Variants in UTRN observed in about 807,000 individuals in gnomAD.
UTRN encodes the protein dystrophin-related protein 1.
A neutral mutation model predicts 463.9 loss-of-function variants in UTRN; 283 were observed. That is an observed-to-expected ratio of 0.61 (90% CI 0.55 to 0.67). UTRN has a LOEUF of 0.67. UTRN is among the 30% of genes least tolerant of loss of function. The pLI, the probability that UTRN is intolerant of heterozygous loss-of-function variation, is 0.00. For missense variants in UTRN, 3,922 were observed against 4,084.3 expected, an observed-to-expected ratio of 0.96 and a Z score of 1.08; for synonymous variants, 1,442 against 1,431.5, an observed-to-expected ratio of 1.01 and a Z score of -0.17.
At chr6:144,329,813 G>A (rs1010942340) in intron 2 of UTRN, among the ~76,000 whole-genome samples, 5 of 152,208 alleles carry the variant, frequency 3.3e-5, no homozygotes, top group Non-Finnish European at 2.9e-5. Flanking sequence ...AACCTCAGCA[G>A]TGGCAGCAGT....
At chr6:144,634,366 C>T (rs1482280138) in intron 51 of UTRN, among the ~76,000 whole-genome samples, 1 of 152,084 alleles carries the variant, frequency 6.6e-6, no homozygotes, top group Non-Finnish European at 1.5e-5. Context: ...TTTGGCCATC[C>T]CTGGTTAGCG....
At chr6:144,574,228 A>G (rs538969375) in intron 50 of UTRN, among the ~76,000 whole-genome samples, 1 of 152,324 alleles carries the variant, frequency 6.6e-6, no homozygotes, top group Admixed American at 6.5e-5. Context: ...AGGAAATTAA[A>G]TTCCAGGCGA....
chr6:144,631,777 A>G (rs762253214), intron 51 of UTRN, among the ~76,000 whole-genome samples: 20 of 152,188 alleles, frequency 1.3e-4, no homozygotes, highest in Admixed American at 3.9e-4. Context: ...AAAAAGTTTT[A>G]TAAGTTATTC....
chr6:144,842,958 C>T (rs1268280683), intron 73 of UTRN, among the ~76,000 whole-genome samples: 1 of 152,076 alleles, frequency 6.6e-6, no homozygotes, highest in Non-Finnish European at 1.5e-5. Context: ...TCTGTAACCA[C>T]AGTAATAGAT....
chr6:144,637,555 C>T (rs903169219), intron 51 of UTRN, among the ~76,000 whole-genome samples: 11 of 151,834 alleles, frequency 7.2e-5, no homozygotes, highest in Non-Finnish European at 1.3e-4. Context: ...AAGTACCACA[C>T]CCAGAATAAC....
chr6:144,777,151 CTGAG>C (rs1261922029), intron 60 of UTRN, among the ~76,000 whole-genome samples: 2 of 152,128 alleles, frequency 1.3e-5, no homozygotes, highest in African/African-American at 4.8e-5. Context: ...TTAGGACACA[CTGAG>C]TGAATGATTT....
intron 3 of UTRN, among the ~76,000 whole-genome samples, chr6:144,413,035 G>T (rs1020463740): frequency 6.6e-6 from 1 of 152,158 alleles, no homozygotes; most frequent in African/African-American, 2.4e-5. Context: ...TCATAGGACA[G>T]ATTCTGTCTC....
chr6:144,509,237 A>T (rs1278197551), intron 34 of UTRN, among the ~76,000 whole-genome samples: 1 of 152,084 alleles, frequency 6.6e-6, no homozygotes, highest in Non-Finnish European at 1.5e-5. Flanking sequence ...CTTTATAAAC[A>T]TTATTCATAT....
At chr6:144,315,593 G>C (rs932004845) in intron 2 of UTRN, among the ~76,000 whole-genome samples, 1 of 152,216 alleles carries the variant, frequency 6.6e-6, no homozygotes, top group African/African-American at 2.4e-5. Context: ...GCCCTTTTGC[G>C]TGGGCAATTA....
intron 2 of UTRN, among the ~76,000 whole-genome samples, chr6:144,305,009 A>G (rs1023086641): frequency 1.3e-5 from 2 of 150,592 alleles, no homozygotes; most frequent in African/African-American, 4.9e-5. Context: ...TCGGCTCACT[A>G]CAATCTCCCC....
chr6:144,690,074 GTTTTTTTT>G (rs1554339291), intron 52 of UTRN, among the ~76,000 whole-genome samples: 12 of 31,268 alleles, frequency 3.8e-4, no homozygotes, highest in African/African-American at 2.1e-3. Flanking sequence ...AAAAGTTTCT[GTTTTTTTT>G]TTTTTTTTTT....
At chr6:144,438,397 A>T (rs530376266) in intron 11 of UTRN, among the ~76,000 whole-genome samples, 1 of 152,342 alleles carries the variant, frequency 6.6e-6, no homozygotes, top group East Asian at 1.9e-4. Flanking sequence ...TTTATTTTAA[A>T]GCTTTCTCAT....
At chr6:144,821,839 A>G (rs906882374) in intron 66 of UTRN, among the ~76,000 whole-genome samples, 10 of 152,070 alleles carry the variant, frequency 6.6e-5, no homozygotes, top group South Asian at 2.1e-4. Context: ...TGCTAAGGCC[A>G]TTTTCTTGTG....
intron 50 of UTRN, among the ~76,000 whole-genome samples, chr6:144,572,693 C>T (rs1801063075): frequency 6.6e-6 from 1 of 152,232 alleles, no homozygotes; most frequent in South Asian, 2.1e-4. Flanking sequence ...TGATGGTTTC[C>T]AGCTTCATCC....
chr6:144,357,127 TGAGACTG>T (rs1375686991), intron 2 of UTRN, among the ~76,000 whole-genome samples: 1 of 152,166 alleles, frequency 6.6e-6, no homozygotes, highest in Non-Finnish European at 1.5e-5. Context: ...GAGAAAGGTT[TGAGACTG>T]TTGGAGCACA....
chr6:144,547,802 TTTCTC>T (rs1351767986), intron 46 of UTRN, among the ~76,000 whole-genome samples: 1 of 152,220 alleles, frequency 6.6e-6, no homozygotes, highest in East Asian at 1.9e-4. Flanking sequence ...TTTTTGTCCT[TTTCTC>T]TTCAATATTA....
chr6:144,719,376 C>T (rs1291010074), intron 53 of UTRN, among the ~76,000 whole-genome samples: 3 of 151,970 alleles, frequency 2.0e-5, no homozygotes, highest in Admixed American at 6.6e-5. Context: ...GTCAGGAATT[C>T]GAGACCAGCC....
chr6:144,677,632 G>A (rs1781774276), intron 51 of UTRN, among the ~76,000 whole-genome samples: 1 of 152,216 alleles, frequency 6.6e-6, no homozygotes, highest in Admixed American at 6.5e-5. Flanking sequence ...TATATACCCA[G>A]TAATGGGATT....
intron 14 of UTRN, 25 bp from the exon 15 acceptor site, chr6:144,447,186 G>A (rs767817788): frequency 1.9e-6 from 3 of 1,595,692 alleles, no homozygotes; most frequent in African/African-American, 2.7e-5. Context: ...TGCAGATAAA[G>A]TTCAACTTTT....
Sources: gnomAD v4.1 joint callset for allele counts (sites outside exome capture counted in the v4.1 genomes callset) on GRCh38, gnomAD v4.1.1 for gene constraint, MANE v1.5 for transcripts, NCBI Gene and HGNC (gene_info 2026-07-23, HGNC 2026-07-21) for gene names.